The following WASF2 variants were observed in gnomAD, a reference collection of about 807,000 sequenced individuals.
WASF2 encodes the protein WASP family member 2, also known as actin-binding protein WASF2.
WASF2 carries 14 observed loss-of-function variants against 45.0 expected under a neutral mutation model. That is an observed-to-expected ratio of 0.31 (90% CI 0.21 to 0.49). The LOEUF (loss-of-function observed/expected upper bound fraction) is 0.49. Ranked by LOEUF, WASF2 falls within the 20% of genes least tolerant of loss-of-function variation. The pLI is 0.99. For synonymous variants in WASF2, 200 were observed against 236.3 expected, an observed-to-expected ratio of 0.85 and a Z score of 1.41; for missense variants, 439 against 636.1, an observed-to-expected ratio of 0.69 and a Z score of 3.33.
At chr1:27,484,291 A>G (rs2017893868) in intron 1 of WASF2, among the ~76,000 whole-genome samples, 1 of 152,204 alleles carries the variant, frequency 6.6e-6, no homozygotes, top group African/African-American at 2.4e-5. Flanking sequence ...AGTTTTGAAA[A>G]TGTGCTAGTA....
chr1:27,454,176 TA>T (rs1557612362), intron 1 of WASF2, among the ~76,000 whole-genome samples: 6 of 11,644 alleles, frequency 5.2e-4, no homozygotes, highest in African/African-American at 1.1e-3. Flanking sequence ...TATATATATA[TA>T]TATATATATA....
intron 5 of WASF2, 120 bp from the exon 6 acceptor site, chr1:27,415,083 C>A: frequency 7.8e-7 from 1 of 1,287,606 alleles, no homozygotes; most frequent in Admixed American, 2.2e-5. Flanking sequence ...CATACAATAA[C>A]TACAGAACTT....
Position 27,471,278 on chromosome 1 carries a change from G to C in WASF2, c.-44+18708C>G, listed in dbSNP as rs1329831264. On this transcript the variant is annotated intron_variant, in intron 1 of 8. Coordinates refer to ENST00000618852, the MANE Select transcript of WASF2 (RefSeq NM_006990.5). Reference sequence around the variant, plus strand: ...GAGAATGGCGTGAACCCGGGAGGCGGAGCTTGCAGTGAGCCGAGATCCCGC... The same window carrying C: ...GAGAATGGCGTGAACCCGGGAGGCGCAGCTTGCAGTGAGCCGAGATCCCGC... Among the ~76,000 whole-genome samples the C allele has an allele frequency of 1.5e-4, 22 of 149,134 alleles. 1 individual carries two copies. The highest frequency in any genetic ancestry group is 4.5e-5 in the Non-Finnish European group (3 of 67,368).
In WASF2 at chr1:27,405,616, T is replaced by C; in HGVS notation, c.*2573A>G. The C allele has an allele frequency of 7.2e-6, 1 of 138,698 alleles. No individual in the cohort carries two copies. The highest frequency in any genetic ancestry group is 1.6e-5 in the Non-Finnish European group (1 of 64,090). 8.6% of individuals were successfully genotyped at this position (138,698 alleles called of 1,614,324 possible). On this transcript the variant is annotated 3_prime_UTR_variant, in exon 9 of 9. Coordinates refer to ENST00000618852, the MANE Select transcript of WASF2 (RefSeq NM_006990.5). Reference sequence around the variant, plus strand: ...AAAGAAGCCTTTTTTTTTTTTTTTTTTTTTTTTTTTTTTTTGGTGCATATG... The same window carrying C: ...AAAGAAGCCTTTTTTTTTTTTTTTTCTTTTTTTTTTTTTTTGGTGCATATG...
chr1:27,432,647 CAA>C (rs558826790), intron 1 of WASF2, among the ~76,000 whole-genome samples: 3 of 51,390 alleles, frequency 5.8e-5, no homozygotes, highest in South Asian at 2.3e-3. Context: ...AACTCTGTCT[CAA>C]AAAAAAAAAA....
At chr1:27,427,674 T>C (rs950018208) in intron 2 of WASF2, among the ~76,000 whole-genome samples, 1 of 152,158 alleles carries the variant, frequency 6.6e-6, no homozygotes, top group African/African-American at 2.4e-5. Flanking sequence ...CATCTGGTCA[T>C]AGAGTTCTGT....
At position 27,428,848 on chromosome 1, in the gene WASF2, G is replaced by A. The variant is rs770359812; in HGVS notation, c.43C>T (p.Arg15Cys). ...TRNIEPRHLC[R>C]QTLPSVRSEL... is the part of the protein sequence containing the mutation. ...CTTCTAACGCTAGGCAACGTCTGAC[G>A]GCACAGGTGCCTTGGCTCGATGTTC... Residue 15 changes from arginine to cysteine, a missense_variant, in exon 2 of 9, where the codon CGT becomes TGT. Arg to Cys is a radical substitution (Grantham distance 180). Around this residue, in one of 5 missense-constraint regions of WASF2, gnomAD observed 16 missense variants for 21.1 expected, o/e 0.76. Transcript: ENST00000618852. 1.8e-5 allele frequency: 29 copies of A among 1,614,022 alleles called. No homozygotes were observed. The highest frequency in any genetic ancestry group is 8.8e-5 in the South Asian group (8 of 91,076).
At chr1:27,445,790 C>T (rs1017912331) in intron 1 of WASF2, among the ~76,000 whole-genome samples, 12 of 151,708 alleles carry the variant, frequency 7.9e-5, no homozygotes, top group African/African-American at 2.9e-4. Context: ...CCCTGAGAAT[C>T]GCTTTAAGTT....
intron 1 of WASF2, among the ~76,000 whole-genome samples, chr1:27,453,685 G>C (rs1325443877): frequency 7.9e-5 from 12 of 151,180 alleles, no homozygotes; most frequent in African/African-American, 2.9e-4. Flanking sequence ...GAAGTCAGGA[G>C]ATTAAGACCA....
chr1:27,419,118 G>T (rs780095227), intron 2 of WASF2, 30 bp from the exon 3 acceptor site: 1 of 1,609,004 alleles, frequency 6.2e-7, no homozygotes. Context: ...CAAGTCACTA[G>T]TGCATAGAAG....
intron 1 of WASF2, among the ~76,000 whole-genome samples, chr1:27,470,213 C>G (rs571086254): frequency 3.0e-4 from 46 of 152,308 alleles, no homozygotes; most frequent in African/African-American, 1.1e-3. Flanking sequence ...CAAGTAGGGG[C>G]TAGACCACAG....
At position 27,468,647 on chromosome 1, in the gene WASF2, A is replaced by G. The variant is rs1008050236; in HGVS notation, c.-44+21339T>C. Among the ~76,000 whole-genome samples the G allele has an allele frequency of 2.5e-4, 36 of 142,956 alleles. No homozygotes were observed. In the East Asian group the frequency reaches 2.6e-3, roughly 10 times the overall value. 93.8% of individuals were successfully genotyped at this position (142,956 alleles called of 152,430 possible). A position where few individuals can be genotyped will look rare whatever the true frequency, so the allele number is the denominator to read the frequency against. On this transcript the variant is annotated intron_variant, in intron 1 of 8. Coordinates refer to ENST00000618852, the MANE Select transcript of WASF2 (RefSeq NM_006990.5). Reference sequence around the variant, plus strand: ...CAAGAGCGAAACTCCGTCTCCGGGGAAAAAAAAAAAAGAACTGAGAGAACC... The same window carrying G: ...CAAGAGCGAAACTCCGTCTCCGGGGGAAAAAAAAAAAGAACTGAGAGAACC...
chr1:27,467,021 C>T (rs1334843004), intron 1 of WASF2, among the ~76,000 whole-genome samples: 1 of 151,256 alleles, frequency 6.6e-6, no homozygotes, highest in African/African-American at 2.4e-5. Flanking sequence ...TTGAGATCAG[C>T]CTGGGCAACA....
intron 1 of WASF2, among the ~76,000 whole-genome samples, chr1:27,450,436 C>CA (rs2017369077): frequency 6.6e-6 from 1 of 152,178 alleles, no homozygotes. Flanking sequence ...TTCCTCTCCT[C>CA]AATACTTTTG....
At chr1:27,421,106 C>G (rs1256480683) in intron 2 of WASF2, among the ~76,000 whole-genome samples, 1 of 152,180 alleles carries the variant, frequency 6.6e-6, no homozygotes, top group East Asian at 1.9e-4. Flanking sequence ...ATAAGGACTT[C>G]TAATCAAGGA....
intron 1 of WASF2, among the ~76,000 whole-genome samples, chr1:27,430,117 G>A (rs2017041394): frequency 6.6e-6 from 1 of 152,214 alleles, no homozygotes; most frequent in Non-Finnish European, 1.5e-5. Context: ...TTCATGCTGA[G>A]CTATTGTTTT....
At chr1:27,451,183 CA>C (rs1391410971) in intron 1 of WASF2, among the ~76,000 whole-genome samples, 1 of 152,168 alleles carries the variant, frequency 6.6e-6, no homozygotes, top group Non-Finnish European at 1.5e-5. Context: ...CCTCTGCCCT[CA>C]CAGAGCTTGC....
At chr1:27,474,430 G>A (rs976150291) in intron 1 of WASF2, among the ~76,000 whole-genome samples, 2 of 152,010 alleles carry the variant, frequency 1.3e-5, no homozygotes, top group Admixed American at 6.6e-5. Context: ...GAGCCCAGGA[G>A]TTCAAGAATA....
At chr1:27,443,778 G>A (rs1388478719) in intron 1 of WASF2, among the ~76,000 whole-genome samples, 1 of 150,952 alleles carries the variant, frequency 6.6e-6, no homozygotes, top group Non-Finnish European at 1.5e-5. Flanking sequence ...TACTATAGTT[G>A]TATTTATTTA....
Sources: gnomAD v4.1 joint callset for allele counts (sites outside exome capture counted in the v4.1 genomes callset) on GRCh38, gnomAD v4.1.1 for gene constraint, gnomAD v4.1.1 regional missense constraint, MANE v1.5 for transcripts, NCBI Gene and HGNC (gene_info 2026-07-23, HGNC 2026-07-21) for gene names.